Variants in CACNA2D3 observed in about 807,000 individuals in gnomAD.
The protein encoded by CACNA2D3 is voltage-dependent calcium channel subunit alpha-2/delta-3.
In CACNA2D3, 60 loss-of-function variants were observed where a neutral mutation model predicts 160.6. The observed-to-expected ratio is 0.37, with a 90% CI of 0.30 to 0.46. The LOEUF is 0.46. Ranked by LOEUF, CACNA2D3 falls within the 20% of genes least tolerant of loss-of-function variation. The pLI is 1.00. For synonymous variants in CACNA2D3, 558 were observed against 492.9 expected (o/e 1.13, Z -1.75); for missense variants, 1,205 against 1,365.0 (o/e 0.88, Z 1.85).
chr3:54,760,948 G>C (rs891970898), intron 12 of CACNA2D3, among the ~76,000 whole-genome samples: 2 of 152,146 alleles, frequency 1.3e-5, no homozygotes, highest in African/African-American at 2.4e-5. Flanking sequence ...CCGTGGGTCT[G>C]TCGCTCTGGA....
At chr3:54,159,782 C>T (rs1009795236) in intron 2 of CACNA2D3, among the ~76,000 whole-genome samples, 1 of 152,034 alleles carries the variant, frequency 6.6e-6, no homozygotes, top group African/African-American at 2.4e-5. Context: ...TTGCTCTTTT[C>T]CCTGGAGAGG....
chr3:54,937,480 A>G (rs771885710), intron 27 of CACNA2D3, among the ~76,000 whole-genome samples: 3 of 152,234 alleles, frequency 2.0e-5, no homozygotes, highest in Non-Finnish European at 4.4e-5. Flanking sequence ...CAGGTTTCAC[A>G]TTCCATAAAT....
At chr3:54,320,692 A>G in intron 3 of CACNA2D3, 134 bp downstream of exon 3, 1 of 530,504 alleles carries the variant, frequency 1.9e-6, no homozygotes, top group Non-Finnish European at 3.3e-6. Flanking sequence ...TTATTTTTAC[A>G]GTCTGGTTAG....
chr3:54,644,911 C>T (rs1699605083), intron 11 of CACNA2D3, among the ~76,000 whole-genome samples: 1 of 152,212 alleles, frequency 6.6e-6, no homozygotes, highest in Non-Finnish European at 1.5e-5. Flanking sequence ...CGTCTATTGA[C>T]TTTTACAAGG....
At chr3:54,852,513 T>G (rs1699080784) in intron 17 of CACNA2D3, among the ~76,000 whole-genome samples, 1 of 152,134 alleles carries the variant, frequency 6.6e-6, no homozygotes. Context: ...TTAATATTGC[T>G]GTTTCCACCA....
At chr3:54,285,195 A>G in intron 2 of CACNA2D3, among the ~76,000 whole-genome samples, 1 of 152,200 alleles carries the variant, frequency 6.6e-6, no homozygotes, top group South Asian at 2.1e-4. Flanking sequence ...GAAAGGGGTG[A>G]CAGACGGCAC....
chr3:54,610,119 T>G (rs1036645671), intron 9 of CACNA2D3, among the ~76,000 whole-genome samples: 1 of 152,306 alleles, frequency 6.6e-6, no homozygotes, highest in South Asian at 2.1e-4. Flanking sequence ...TGTGTGTGGC[T>G]GTGTCTCTTA....
intron 31 of CACNA2D3, among the ~76,000 whole-genome samples, chr3:54,989,579 T>C (rs1358693064): frequency 1.3e-5 from 2 of 152,194 alleles, no homozygotes; most frequent in Admixed American, 6.5e-5. Context: ...TACCAGCTGC[T>C]TGATTTAGTC....
chr3:54,638,445 G>A (rs988879641), intron 10 of CACNA2D3: 9 of 152,140 alleles, frequency 5.9e-5, no homozygotes, highest in Admixed American at 3.9e-4. Context: ...GCCGGAGCAG[G>A]TGTGAGGAGG....
chr3:54,274,220 A>G (rs1199819951), intron 2 of CACNA2D3, among the ~76,000 whole-genome samples: 1 of 152,016 alleles, frequency 6.6e-6, no homozygotes, highest in Non-Finnish European at 1.5e-5. Context: ...CTATGCATAT[A>G]TATATATATA....
At chr3:54,599,847 A>C (rs1222703325) in intron 9 of CACNA2D3, among the ~76,000 whole-genome samples, 1 of 152,190 alleles carries the variant, frequency 6.6e-6, no homozygotes, top group Non-Finnish European at 1.5e-5. Flanking sequence ...TCTCAGTGCC[A>C]GGACATCTGA....
chr3:54,442,482 T>C (rs771321583), intron 4 of CACNA2D3, among the ~76,000 whole-genome samples: 1 of 152,160 alleles, frequency 6.6e-6, no homozygotes, highest in Admixed American at 6.5e-5. Context: ...GGTACATCAA[T>C]GATGTGCTTC....
intron 11 of CACNA2D3, among the ~76,000 whole-genome samples, chr3:54,649,683 AC>A (rs1311784925): frequency 6.6e-6 from 1 of 152,150 alleles, no homozygotes; most frequent in Non-Finnish European, 1.5e-5. Context: ...TTATAAGGAC[AC>A]TAATCCCATT....
intron 5 of CACNA2D3, among the ~76,000 whole-genome samples, chr3:54,545,247 A>G (rs369623298): frequency 1.3e-5 from 2 of 152,238 alleles, no homozygotes; most frequent in African/African-American, 4.8e-5. Context: ...AATATTTCCA[A>G]CCCTTGACTT....
At chr3:54,819,417 C>G (rs1703534821) in intron 14 of CACNA2D3, among the ~76,000 whole-genome samples, 1 of 152,144 alleles carries the variant, frequency 6.6e-6, no homozygotes, top group Non-Finnish European at 1.5e-5. Flanking sequence ...CATAGCACAT[C>G]AAGAGAGCAG....
intron 29 of CACNA2D3, among the ~76,000 whole-genome samples, chr3:54,983,513 A>G (rs1054465912): frequency 2.6e-5 from 4 of 152,224 alleles, no homozygotes; most frequent in Admixed American, 6.5e-5. Flanking sequence ...CAAGTAATTC[A>G]TCTGATCCCT....
intron 31 of CACNA2D3, among the ~76,000 whole-genome samples, chr3:55,004,465 A>G (rs1283074237): frequency 1.3e-5 from 2 of 151,506 alleles, no homozygotes; most frequent in Non-Finnish European, 2.9e-5. Flanking sequence ...ATCTTGCTCA[A>G]TGCAGACCAT....
chr3:54,797,838 C>A (rs553648213), intron 13 of CACNA2D3, among the ~76,000 whole-genome samples: 1 of 152,276 alleles, frequency 6.6e-6, no homozygotes, highest in Non-Finnish European at 1.5e-5. Flanking sequence ...CATCTAAAAA[C>A]CTGTTTGCAA....
chr3:54,319,195 CACACA>C (rs1559448308), intron 2 of CACNA2D3, among the ~76,000 whole-genome samples: 2 of 147,220 alleles, frequency 1.4e-5, no homozygotes, highest in African/African-American at 2.4e-5. Flanking sequence ...CACACACACA[CACACA>C]CCCTTCCTCG....
Sources: gnomAD v4.1 joint callset for allele counts (sites outside exome capture counted in the v4.1 genomes callset) on GRCh38, gnomAD v4.1.1 for gene constraint, MANE v1.5 for transcripts, NCBI Gene and HGNC (gene_info 2026-07-23, HGNC 2026-07-21) for gene names.